NBAS: variants seen among roughly 807,000 people sequenced by gnomAD.
The protein encoded by NBAS is NBAS subunit of NRZ tethering complex, also known as NAG/BC035112 fusion.
A neutral mutation model predicts 302.5 loss-of-function variants in NBAS; 219 were observed. That is an observed-to-expected ratio of 0.72 (90% confidence interval 0.65 to 0.81). NBAS has a LOEUF of 0.81. Ranked by LOEUF, NBAS falls within the 30% of genes least tolerant of loss-of-function variation. The pLI is 0.00. For missense variants in NBAS, 2,932 were observed against 2,841.6 expected (o/e 1.03, Z -0.72); for synonymous variants, 1,118 against 1,021.6 (o/e 1.09, Z -1.80).
chr2:14,792,138 G>A, the NBAS span, among the ~76,000 whole-genome samples: 1 of 152,066 alleles, frequency 6.6e-6, no homozygotes, highest in African/African-American at 2.4e-5. Flanking sequence ...GTTAACCCAA[G>A]AAAACCAAAA....
chr2:15,191,101 T>TA (rs1665334597), intron 48 of NBAS, among the ~76,000 whole-genome samples: 1 of 152,170 alleles, frequency 6.6e-6, no homozygotes, highest in South Asian at 2.1e-4. Context: ...GTTTTAAGCA[T>TA]AAAAATAAGC....
At chr2:15,346,288 A>G (rs1673084746) in intron 35 of NBAS, among the ~76,000 whole-genome samples, 2 of 152,264 alleles carry the variant, frequency 1.3e-5, no homozygotes, top group South Asian at 4.1e-4. Context: ...AGAATTTACA[A>G]GAAACTTAAA....
intron 21 of NBAS, among the ~76,000 whole-genome samples, chr2:15,448,663 G>A (rs562884390): frequency 6.6e-6 from 1 of 152,120 alleles, no homozygotes; most frequent in South Asian, 2.1e-4. Context: ...AAACTTTTAG[G>A]ATTAAATGAA....
At chr2:14,978,842 C>T in the NBAS span, among the ~76,000 whole-genome samples, 938 of 152,202 alleles carry the variant, frequency 6.2e-3, 13 homozygotes, top group African/African-American at 0.02. Flanking sequence ...TCCCTTTTTC[C>T]CCCATTTCAA....
At chr2:15,459,696 G>T (rs1030692747) in intron 21 of NBAS, among the ~76,000 whole-genome samples, 1 of 151,970 alleles carries the variant, frequency 6.6e-6, no homozygotes, top group African/African-American at 2.4e-5. Flanking sequence ...AGCCAGGATG[G>T]TCTCGATCTC....
rs574188359 is a variant in NBAS, at chr2:15,384,960, A to C, written c.3258-1643T>G. On this transcript the variant is annotated intron_variant, in intron 28 of 51. Transcript: ENST00000281513. ...TGTTTAATAGTTATTGCTATAGAGA[A>C]AGTATATATTTGGGATCATTACAGC... Among the ~76,000 whole-genome samples, 11 of 150,972 alleles carry C rather than the reference A, an allele frequency of 7.3e-5. No homozygotes were observed. The South Asian group carries it at 1.5e-3, about 20-fold the overall frequency.
chr2:15,385,321 A>C (rs1363381295), intron 28 of NBAS, among the ~76,000 whole-genome samples: 1 of 152,206 alleles, frequency 6.6e-6, no homozygotes, highest in East Asian at 1.9e-4. Context: ...TCTTGCACAC[A>C]CTTGATAAAA....
the NBAS span, among the ~76,000 whole-genome samples, chr2:15,039,386 A>G: frequency 6.6e-6 from 1 of 152,320 alleles, no homozygotes; most frequent in South Asian, 2.1e-4. Flanking sequence ...ATCCTCATAG[A>G]AAAAAGTCAG....
chr2:14,959,256 C>T, the NBAS span, among the ~76,000 whole-genome samples: 1 of 152,204 alleles, frequency 6.6e-6, no homozygotes, highest in East Asian at 1.9e-4. Flanking sequence ...GCCCATAATG[C>T]ACCAGGTACA....
At chr2:15,535,546 A>ATAAG (rs1289840759) in intron 8 of NBAS, among the ~76,000 whole-genome samples, 1 of 141,222 alleles carries the variant, frequency 7.1e-6, no homozygotes, top group Non-Finnish European at 1.6e-5. Context: ...AAATAAATAA[A>ATAAG]TAAATAAATA....
chr2:15,329,112 T>A (rs1672204470), intron 36 of NBAS, among the ~76,000 whole-genome samples: 1 of 152,180 alleles, frequency 6.6e-6, no homozygotes, highest in South Asian at 2.1e-4. Flanking sequence ...TTTTGCTCTC[T>A]CCAAATAGAT....
At chr2:15,482,549 T>C (rs1262328908) in intron 12 of NBAS, among the ~76,000 whole-genome samples, 1 of 152,074 alleles carries the variant, frequency 6.6e-6, no homozygotes, top group Non-Finnish European at 1.5e-5. Flanking sequence ...TTAGAAGAGG[T>C]ATCACACCTT....
chr2:15,479,619 G>C (rs1438564821), intron 12 of NBAS, among the ~76,000 whole-genome samples: 2 of 152,166 alleles, frequency 1.3e-5, no homozygotes, highest in African/African-American at 4.8e-5. Context: ...AAATCTTAAG[G>C]AAATTTTAAA....
the NBAS span, among the ~76,000 whole-genome samples, chr2:14,859,385 C>T: frequency 6.6e-6 from 1 of 151,800 alleles, no homozygotes; most frequent in Non-Finnish European, 1.5e-5. Context: ...ATAGCCAAAG[C>T]CAATCCTGAG....
intron 44 of NBAS, among the ~76,000 whole-genome samples, chr2:15,273,437 G>C (rs1415228128): frequency 6.6e-6 from 1 of 152,196 alleles, no homozygotes; most frequent in Non-Finnish European, 1.5e-5. Context: ...AATGGTTCCA[G>C]GTCCCCTGAC....
At chr2:15,102,921 T>C in the NBAS span, among the ~76,000 whole-genome samples, 75 of 151,126 alleles carry the variant, frequency 5.0e-4, 1 homozygote, top group African/African-American at 1.8e-3. Flanking sequence ...GTGGGACTTA[T>C]ACCAAAATTT....
intron 25 of NBAS, among the ~76,000 whole-genome samples, chr2:15,407,362 A>T (rs1265171270): frequency 6.6e-6 from 1 of 152,166 alleles, no homozygotes; most frequent in Non-Finnish European, 1.5e-5. Flanking sequence ...GGAGTCCAGG[A>T]CCTGCCAAGG....
the NBAS span, among the ~76,000 whole-genome samples, chr2:15,007,411 A>C: frequency 6.6e-6 from 1 of 152,252 alleles, no homozygotes; most frequent in Admixed American, 6.5e-5. Context: ...TTTTAAATTC[A>C]AGCATATCTT....
intron 51 of NBAS, chr2:15,178,036 C>A (rs1664632967): frequency 2.7e-6 from 1 of 373,438 alleles, no homozygotes; most frequent in South Asian, 2.2e-5. Flanking sequence ...TTTCTGTATC[C>A]TTTGTCATTA....
Sources: gnomAD v4.1 joint callset for allele counts (sites outside exome capture counted in the v4.1 genomes callset) on GRCh38, gnomAD v4.1.1 for gene constraint, MANE v1.5 for transcripts, NCBI Gene and HGNC (gene_info 2026-07-23, HGNC 2026-07-21) for gene names.